The following TP53BP1 variants were observed in gnomAD, a reference collection of about 807,000 sequenced individuals.
The protein encoded by TP53BP1 is TP53-binding protein 1.
TP53BP1 carries 61 observed loss-of-function variants against 200.8 expected under a neutral mutation model. The ratio of observed to expected loss-of-function variants is 0.30; its 90% CI spans 0.25 to 0.38. TP53BP1 has a LOEUF of 0.38. Ranked by LOEUF, TP53BP1 falls within the 10% of genes least tolerant of loss-of-function variation. TP53BP1 has a pLI of 1.00. For missense variants in TP53BP1, 2,144 were observed against 2,371.9 expected (o/e 0.90, Z 2.00); for synonymous variants, 822 against 844.3 (o/e 0.97, Z 0.46).
chr15:43,435,807 T>C (rs2045783128), intron 16 of TP53BP1, among the ~76,000 whole-genome samples: 1 of 152,138 alleles, frequency 6.6e-6, no homozygotes, highest in Non-Finnish European at 1.5e-5. Context: ...GTGATTCTCA[T>C]GCCTTAGCCT....
intron 5 of TP53BP1, among the ~76,000 whole-genome samples, chr15:43,480,637 A>G (rs968594060): frequency 2.0e-5 from 3 of 152,214 alleles, no homozygotes; most frequent in Non-Finnish European, 4.4e-5. Context: ...CAAAGTACAC[A>G]TTACAAAAAT....
rs1033140988 is a variant in TP53BP1, at chr15:43,486,188, C to T, written c.372-5166G>A. 4.6e-5 allele frequency among the ~76,000 whole-genome samples: 7 copies of T among 151,890 alleles called. No individual in the cohort carries two copies. The South Asian group carries it at 1.2e-3, about 27-fold the overall frequency. The stretch of plus-strand genomic sequence containing the variant: ...GGTCGGGAGTTCAAGACCAGCCTGA[C>T]GAACATGGAGAAACCCTATCTCCAC... On this transcript the variant is annotated intron_variant, in intron 4 of 27. Transcript: ENST00000382044.
chr15:43,503,717 T>C (rs956201259), intron 1 of TP53BP1, among the ~76,000 whole-genome samples: 1 of 152,144 alleles, frequency 6.6e-6, no homozygotes, highest in Non-Finnish European at 1.5e-5. Flanking sequence ...CTTCCACAGA[T>C]GTCAGGCTTA....
At chr15:43,466,177 G>A (rs1595592088) in intron 11 of TP53BP1, among the ~76,000 whole-genome samples, 1 of 152,290 alleles carries the variant, frequency 6.6e-6, no homozygotes. Flanking sequence ...AACACAGACA[G>A]GTAAGGAGAA....
chr15:43,492,913 T>G (rs1259249278), intron 1 of TP53BP1, 124 bp downstream of exon 1: 11 of 388,436 alleles, frequency 2.8e-5, no homozygotes, highest in Non-Finnish European at 3.3e-5. Flanking sequence ...CTTAGGGCCC[T>G]CCAACCCCTT....
chr15:43,421,273 G>T (rs1452715464), intron 19 of TP53BP1, 99 bp from the exon 20 acceptor site: 2 of 1,304,150 alleles, frequency 1.5e-6, no homozygotes, highest in Non-Finnish European at 2.1e-6. Context: ...AGGCCTACAT[G>T]TGCTGAGCCT....
chr15:43,492,680 T>C (rs1449540668), intron 1 of TP53BP1, among the ~76,000 whole-genome samples: 1 of 152,014 alleles, frequency 6.6e-6, no homozygotes, highest in African/African-American at 2.4e-5. Context: ...TAAGCCTGAC[T>C]ATCCCTCCCT....
rs1006527810 is a variant in TP53BP1 at position 43,493,136 on chromosome 15, G to A, written c.-93C>T. The A allele has an allele frequency of 1.9e-6, 3 of 1,576,332 alleles. No individual in the cohort carries two copies. The highest frequency in any genetic ancestry group is 2.7e-5 in the African/African-American group (2 of 73,914). ...TCCCTAGGTCGCCGCTGTCGCCACC[G>A]CCGCCACCGGCCGCGAACTCCCCCT... On this transcript the variant is annotated 5_prime_UTR_variant, in exon 1 of 28. Coordinates refer to ENST00000382044, the MANE Select transcript of TP53BP1 (RefSeq NM_001141980.3).
chr15:43,500,589 G>A (rs2079204462), intron 1 of TP53BP1, among the ~76,000 whole-genome samples: 1 of 152,096 alleles, frequency 6.6e-6, no homozygotes, highest in African/African-American at 2.4e-5. Context: ...GGAGGCTGAG[G>A]TGGGTGGACC....
intron 27 of TP53BP1, 99 bp from the exon 28 acceptor site, chr15:43,407,669 C>A: frequency 1.7e-6 from 2 of 1,170,696 alleles, no homozygotes; most frequent in Non-Finnish European, 2.4e-6. Flanking sequence ...CCACTCTGCA[C>A]AAACCAAAGC....
Position 43,457,030 on chromosome 15 carries a change from T to C in TP53BP1, c.1578A>G (p.Glu526=), listed in dbSNP as rs2046314753. Residue 526 remains glutamate, a synonymous_variant, in exon 12 of 28, where the codon GAA becomes GAG. Transcript: ENST00000382044. Reference sequence around the variant, plus strand: ...TCTCCATCTTTGGGGACTGACTATATTCACTTGTAGAAAGCATCAACTTGC... The same window carrying C: ...TCTCCATCTTTGGGGACTGACTATACTCACTTGTAGAAAGCATCAACTTGC... ...DSCKLMLSTS[E]YSQSPKMESL... 1.2e-6 allele frequency: 2 copies of C among 1,614,238 alleles called. No homozygotes were observed. The highest frequency in any genetic ancestry group is 2.2e-5 in the South Asian group (2 of 91,090).
chr15:43,489,594 G>A (rs757113011), intron 4 of TP53BP1, among the ~76,000 whole-genome samples: 6 of 152,296 alleles, frequency 3.9e-5, no homozygotes, highest in South Asian at 2.1e-4. Flanking sequence ...TAGTGACTAT[G>A]GCAAATCATA....
rs545867770 is a variant in TP53BP1, at chr15:43,450,284, T to C, written c.2717-2799A>G. 2.2e-4 allele frequency among the ~76,000 whole-genome samples: 33 copies of C among 152,382 alleles called. 1 individual carries two copies. The East Asian group carries it at 6.2e-3, about 28-fold the overall frequency. On this transcript the variant is annotated intron_variant, in intron 12 of 27. Transcript: ENST00000382044. The stretch of plus-strand genomic sequence containing the variant: ...GAAGGTCTCTCCTAACTTTCTGTTA[T>C]AGTTTTAAACCCATTTTTCTTCTTT...
chr15:43,461,303 T>A (rs915671316), intron 11 of TP53BP1, among the ~76,000 whole-genome samples: 1 of 152,086 alleles, frequency 6.6e-6, no homozygotes, highest in Non-Finnish European at 1.5e-5. Flanking sequence ...CACTGCAGTC[T>A]TGACCTCCTA....
At chr15:43,427,017 C>CAAAAAAAAAAAAAAAAAA (rs1230749433) in intron 18 of TP53BP1, among the ~76,000 whole-genome samples, 1 of 67,672 alleles carries the variant, frequency 1.5e-5, no homozygotes, top group Non-Finnish European at 3.0e-5. Flanking sequence ...GACTCTGCCT[C>CAAAAAAAAAAAAAAAAAA]AAAAAAAAAA....
At position 43,432,271 on chromosome 15, in the gene TP53BP1, T is replaced by G; in HGVS notation, c.3598A>C (p.Thr1200Pro). ...CCACTCCCCCTCTCAGTCTGAACTG[T>G]GGCATCTTGCTTTCCAAAGTTCTGG... ...VDQNFGKQDA[T>P]VQTERGSGEK... Residue 1200 changes from threonine to proline, a missense_variant, in exon 17 of 28, where the codon ACA becomes CCA. By Grantham distance (38) the Thr-to-Pro change is conservative. Coordinates refer to ENST00000382044, the MANE Select transcript of TP53BP1 (RefSeq NM_001141980.3). The G allele has an allele frequency of 3.7e-6, 6 of 1,614,220 alleles. No homozygotes were observed. The highest frequency in any genetic ancestry group is 5.1e-6 in the Non-Finnish European group (6 of 1,180,014).
chr15:43,480,990 G>A lies in TP53BP1; in HGVS notation c.404C>T (p.Ala135Val). Residue 135 changes from alanine (A) to valine (V), a missense_variant, in exon 5 of 28, where the codon GCT becomes GTT. By Grantham distance (64) the Ala-to-Val change is moderately conservative (BLOSUM62 0). Coordinates refer to ENST00000382044, the MANE Select transcript of TP53BP1 (RefSeq NM_001141980.3). ...CTCTTCTCCCTTCTCTTCCTCCACA[G>A]CAGGAGCAGATTCCACTGACATTCC... ...VLGMSVESAP[A>V]VEEEKGEELE... 1 of 1,613,946 alleles carries A rather than the reference G, an allele frequency of 6.2e-7. No individual in the cohort carries two copies. Among genetic ancestry groups the A allele is most frequent in the Non-Finnish European group, 8.5e-7 (1 of 1,179,946 alleles).
chr15:43,437,808 G>A (rs2045833051), intron 16 of TP53BP1, among the ~76,000 whole-genome samples: 1 of 152,216 alleles, frequency 6.6e-6, no homozygotes, highest in Admixed American at 6.5e-5. Flanking sequence ...AACAGTAGCA[G>A]TACATCTTAG....
Position 43,456,894 on chromosome 15 carries a change from T to C in TP53BP1, c.1714A>G (p.Ile572Val), listed in dbSNP as rs1239592589. The change falls in exon 12 of 28, where the codon ATC becomes GTC. Residue 572 changes from isoleucine (I) to valine (V), a missense_variant. Physicochemically the swap from Ile to Val is conservative, Grantham distance 29 (BLOSUM62 3). Coordinates refer to ENST00000382044, the MANE Select transcript of TP53BP1 (RefSeq NM_001141980.3). ...SKFVPAENDS[I>V]LMNPAQDGEV... Reference sequence around the variant, plus strand: ...CCATCCTGTGCTGGATTCATCAGGATACTATCATTTTCAGCAGGAACAAAT... The same window carrying C: ...CCATCCTGTGCTGGATTCATCAGGACACTATCATTTTCAGCAGGAACAAAT... The C allele has an allele frequency of 2.5e-6, 4 of 1,614,090 alleles. No individual in the cohort carries two copies. The highest frequency in any genetic ancestry group is 1.1e-5 in the South Asian group (1 of 91,084).
Sources: allele counts gnomAD v4.1 joint callset (sites outside exome capture counted in the v4.1 genomes callset), GRCh38; gene constraint gnomAD v4.1.1; transcripts MANE v1.5; gene names NCBI Gene and HGNC (gene_info 2026-07-23, HGNC 2026-07-21).